Variants in TIAM2 observed in about 807,000 individuals in gnomAD.
TIAM2 encodes the protein TIAM Rac1 associated GEF 2.
A neutral mutation model predicts 152.9 loss-of-function variants in TIAM2; 80 were observed. The ratio of observed to expected loss-of-function variants is 0.52; its 90% CI spans 0.44 to 0.63. The LOEUF (loss-of-function observed/expected upper bound fraction) is 0.63, where lower values mean the gene tolerates loss of function less well. Ranked by LOEUF, TIAM2 falls within the 30% of genes least tolerant of loss-of-function variation. The pLI, the probability that TIAM2 is intolerant of heterozygous loss-of-function variation, is 0.00. For synonymous variants in TIAM2, 804 were observed against 838.0 expected (o/e 0.96, Z 0.70); for missense variants, 1,965 against 2,120.1 (o/e 0.93, Z 1.44).
At chr6:155,171,463 CCTT>C (rs1051835143) in intron 9 of TIAM2, among the ~76,000 whole-genome samples, 4 of 152,210 alleles carry the variant, frequency 2.6e-5, no homozygotes, top group African/African-American at 2.4e-5. Flanking sequence ...GGCCTTGGCC[CCTT>C]CTTCTGGAAA....
chr6:155,028,784 A>AAT (rs200925803), intron 1 of TIAM2, among the ~76,000 whole-genome samples: 1 of 117,136 alleles, frequency 8.5e-6, no homozygotes, highest in Non-Finnish European at 1.7e-5. Context: ...TACTACATGT[A>AAT]ATATATATAC....
At chr6:155,172,599 T>G (rs1364204993) in intron 9 of TIAM2, among the ~76,000 whole-genome samples, 20 of 138,594 alleles carry the variant, frequency 1.4e-4, no homozygotes, top group Non-Finnish European at 2.9e-4. Flanking sequence ...CTGTCTCCAT[T>G]TGCATTCTCA....
chr6:155,216,534 T>C (rs1198506348), intron 15 of TIAM2: 1 of 152,694 alleles, frequency 6.5e-6, no homozygotes, highest in Non-Finnish European at 1.5e-5. Context: ...CATAGCTCTT[T>C]GTGTGACCCT....
At position 155,240,632 on chromosome 6, in the gene TIAM2, G is replaced by A. The variant is rs1782986176; in HGVS notation, c.3271G>A (p.Ala1091Thr). The A allele has an allele frequency of 1.2e-5, 19 of 1,613,922 alleles. No homozygotes were observed. In the East Asian group the frequency reaches 4.2e-4, roughly 36 times the overall value. ...ENQDPPPRSL[A>T]RHLSDADRLR... ...TCAGGATCCTCCTCCGAGGTCTCTG[G>A]CCCGCCACCTGTCTGATGCAGACCG... is the stretch of plus-strand genomic sequence containing the variant. Residue 1091 changes from alanine to threonine, a missense_variant, in exon 16 of 27, where the codon GCC (alanine) becomes ACC (threonine). Physicochemically the swap from Ala to Thr is moderately conservative, Grantham distance 58. Around this residue, in one of 3 missense-constraint regions of TIAM2, gnomAD observed 935 missense variants for 980.0 expected, o/e 0.95. Transcript: ENST00000682666.
intron 1 of TIAM2, among the ~76,000 whole-genome samples, chr6:155,055,317 C>A (rs1403377154): frequency 2.0e-5 from 3 of 152,150 alleles, no homozygotes; most frequent in Non-Finnish European, 4.4e-5. Flanking sequence ...TATCGTGTTG[C>A]TGTACAAAAG....
chr6:155,115,537 C>T (rs542374707), intron 2 of TIAM2, among the ~76,000 whole-genome samples: 1 of 152,174 alleles, frequency 6.6e-6, no homozygotes, highest in East Asian at 2.0e-4. Context: ...CCTATAGTCC[C>T]AGCTACTTGG....
chr6:155,075,880 CA>C (rs1258658225), intron 1 of TIAM2, among the ~76,000 whole-genome samples: 1 of 152,052 alleles, frequency 6.6e-6, no homozygotes, highest in Non-Finnish European at 1.5e-5. Context: ...GTATGATTAC[CA>C]AAAAGTGATC....
At chr6:155,226,869 T>A (rs1233732145) in intron 15 of TIAM2, among the ~76,000 whole-genome samples, 1 of 152,212 alleles carries the variant, frequency 6.6e-6, no homozygotes, top group East Asian at 1.9e-4. Context: ...TGGAGAAGAA[T>A]AATCCAGGGC....
At chr6:155,077,539 T>C (rs570380724) in intron 1 of TIAM2, among the ~76,000 whole-genome samples, 54 of 152,324 alleles carry the variant, frequency 3.5e-4, no homozygotes, top group South Asian at 1.2e-3. Flanking sequence ...TACTGAGTCA[T>C]CTTGTTAGCC....
rs375238178 is a variant in TIAM2 at position 155,164,133 on chromosome 6, G to GTTTTTTTTTTTTTTTTT, written c.2029-270_2029-269insTTTTTTTTTTTTTTTTT. ...TGGCACCACACCAGCTAATTTTTGT[G>GTTTTTTTTTTTTTTTTT]TTTTTTTTTTTTCTTTTTTTTAGTA... On this transcript the variant is annotated intron_variant, in intron 7 of 26. Transcript: ENST00000682666. 2.2e-3 allele frequency among the ~76,000 whole-genome samples: 257 copies of GTTTTTTTTTTTTTTTTT among 117,950 alleles called. 46 individuals are homozygous for GTTTTTTTTTTTTTTTTT. Among genetic ancestry groups the GTTTTTTTTTTTTTTTTT allele is most frequent in the Middle Eastern group, 5.3e-3 (1 of 188 alleles). 77.4% of individuals were successfully genotyped at this position (117,950 alleles called of 152,430 possible).
chr6:155,206,287 G>T (rs561142216), intron 14 of TIAM2, among the ~76,000 whole-genome samples: 1 of 152,092 alleles, frequency 6.6e-6, no homozygotes, highest in Non-Finnish European at 1.5e-5. Context: ...TCGCTCTGTC[G>T]CCCAGGCTGG....
chr6:155,125,761 C>T (rs182953648), intron 2 of TIAM2, among the ~76,000 whole-genome samples: 1 of 151,924 alleles, frequency 6.6e-6, no homozygotes, highest in East Asian at 1.9e-4. Flanking sequence ...TCACTTGGAC[C>T]TGGGAGGCGG....
At chr6:155,192,366 G>A (rs1242502654) in intron 14 of TIAM2, among the ~76,000 whole-genome samples, 1 of 152,144 alleles carries the variant, frequency 6.6e-6, no homozygotes, top group Non-Finnish European at 1.5e-5. Context: ...GGAGGCAGAC[G>A]TGTGTACAGA....
At position 155,130,060 on chromosome 6, in the gene TIAM2, C is replaced by A; in HGVS notation, c.837C>A (p.Ala279=). Residue 279 remains alanine, a synonymous_variant, in exon 4 of 27, where the codon GCC becomes GCA. Transcript: ENST00000682666. ...GCATGCCTGACCCCAGTCTCCATGC[C>A]AGCTTCCCACCTGGCGATGCCAAAA... The part of the protein sequence containing the change: ...APGMPDPSLH[A]SFPPGDAKKP... 6.2e-7 allele frequency: 1 copy of A among 1,614,120 alleles called. No individual in the cohort carries two copies. Among genetic ancestry groups the A allele is most frequent in the Non-Finnish European group, 8.5e-7 (1 of 1,180,042 alleles).
In TIAM2 at chr6:155,129,359, TG is replaced by T. The variant is rs767352904; in HGVS notation, c.140del (p.Gly47ValfsTer127). The T allele has an allele frequency of 6.2e-7, 1 of 1,614,018 alleles. No homozygotes were observed. The highest frequency in any genetic ancestry group is 1.3e-5 in the African/African-American group (1 of 74,912). ...HAKEEKSLHG[W>X]GHGSNGAGYK... ...AAAAGAGGAAAAGTCATTGCATGGA[TG>T]GGGTCACGGAAGCAACGGAGCAGGT... On this transcript the variant is annotated frameshift_variant, in exon 4 of 27. Coordinates refer to ENST00000682666, the MANE Select transcript of TIAM2 (RefSeq NM_012454.4). LOFTEE classifies it high-confidence loss of function. The surrounding 1 kb of genome is among the most constrained non-coding windows in gnomAD (Gnocchi z 4.8).
chr6:155,076,807 T>A (rs11964580), intron 1 of TIAM2, among the ~76,000 whole-genome samples: 5,438 of 152,312 alleles, frequency 0.036, 345 homozygotes, highest in African/African-American at 0.12. Flanking sequence ...GCGATTTTCC[T>A]GCCTTAGCCT....
intron 19 of TIAM2, 116 bp downstream of exon 19, chr6:155,245,847 C>A: frequency 3.2e-6 from 2 of 615,406 alleles, no homozygotes; most frequent in Non-Finnish European, 5.2e-6. Context: ...GTATTAAGGT[C>A]CATCCTTGAC....
At chr6:155,096,474 C>T (rs187209896) in intron 2 of TIAM2, among the ~76,000 whole-genome samples, 3 of 152,278 alleles carry the variant, frequency 2.0e-5, no homozygotes, top group Non-Finnish European at 4.4e-5. Context: ...TATATTTGAA[C>T]CCATTAATCA....
intron 1 of TIAM2, among the ~76,000 whole-genome samples, chr6:155,080,441 C>CTTT: frequency 6.9e-6 from 1 of 145,324 alleles, no homozygotes; most frequent in Middle Eastern, 3.3e-3. Flanking sequence ...ACATGGCATC[C>CTTT]TTTTTTTTTT....
Sources: gnomAD v4.1 joint callset for allele counts (sites outside exome capture counted in the v4.1 genomes callset) on GRCh38, gnomAD v4.1.1 for gene constraint, gnomAD v4.1.1 regional missense constraint, Gnocchi (gnomAD v3.1) non-coding constraint, MANE v1.5 for transcripts, NCBI Gene and HGNC (gene_info 2026-07-23, HGNC 2026-07-21) for gene names.